The following ANXA4 variants were observed in gnomAD, a reference collection of about 807,000 sequenced individuals.
ANXA4 encodes the protein 35-beta calcimedin.
A neutral mutation model predicts 49.8 loss-of-function variants in ANXA4; 39 were observed. The ratio of observed to expected loss-of-function variants is 0.78; its 90% CI spans 0.61 to 1.02. The LOEUF (loss-of-function observed/expected upper bound fraction) is 1.02, where lower values mean the gene tolerates loss of function less well. ANXA4 is among the 50% of genes least tolerant of loss of function. ANXA4 has a pLI of 0.00. For missense variants in ANXA4, 360 were observed against 410.1 expected, an observed-to-expected ratio of 0.88 and a Z score of 1.05; for synonymous variants, 134 against 152.5, an observed-to-expected ratio of 0.88 and a Z score of 0.89.
chr2:69,686,153 T>C lies in ANXA4; in HGVS notation n.766+32871T>C, dbSNP rs577923295. 2.0e-5 allele frequency among the ~76,000 whole-genome samples: 3 copies of C among 152,234 alleles called. No individual in the cohort carries two copies. In the South Asian group the frequency reaches 6.2e-4, roughly 32 times the overall value. The stretch of plus-strand genomic sequence containing the variant: ...TTAACTTTAATTTTTAAAATTATTA[T>C]TATTATTTTCGAGACAGGGTCTTGT... On this transcript the variant is annotated intron_variant and non_coding_transcript_variant, in intron 2 of 3. Transcript: ENST00000418066.
intron 1 of ANXA4, among the ~76,000 whole-genome samples, chr2:69,649,038 C>T (rs1207215041): frequency 6.6e-6 from 1 of 151,870 alleles, no homozygotes; most frequent in East Asian, 1.9e-4. Context: ...AGGCATGTGC[C>T]ACCACGCCTA....
chr2:69,746,516 A>C (rs1340765922), intron 1 of ANXA4, among the ~76,000 whole-genome samples: 1 of 152,122 alleles, frequency 6.6e-6, no homozygotes, highest in African/African-American at 2.4e-5. Context: ...GGAATTTAGG[A>C]TTTCTATCTA....
At chr2:69,739,266 G>A (rs1331140752), upstream of ANXA4, among the ~76,000 whole-genome samples, 3 of 152,104 alleles carry the variant, frequency 2.0e-5, no homozygotes, top group Non-Finnish European at 4.4e-5. Flanking sequence ...CCCTACTCCT[G>A]GTTTGGAAGT....
chr2:69,756,107 G>C (rs1017075245), intron 1 of ANXA4, among the ~76,000 whole-genome samples: 9 of 152,204 alleles, frequency 5.9e-5, no homozygotes, highest in Admixed American at 4.6e-4. Flanking sequence ...ACATCAGGGT[G>C]TCCTTTCCTT....
At chr2:69,715,198 T>TA (rs1553434039) in intron 2 of ANXA4, among the ~76,000 whole-genome samples, 2 of 152,124 alleles carry the variant, frequency 1.3e-5, no homozygotes, top group Non-Finnish European at 2.9e-5. Flanking sequence ...CATGGTTTGT[T>TA]TTTTATTTTA....
At chr2:69,732,424 T>C (rs1265123099) in intron 3 of ANXA4, among the ~76,000 whole-genome samples, 1 of 152,018 alleles carries the variant, frequency 6.6e-6, no homozygotes, top group Non-Finnish European at 1.5e-5. Context: ...AACTGGGCAA[T>C]ACCTCTTCCC....
At chr2:69,745,764 CAG>C (rs1445725773) in intron 1 of ANXA4, among the ~76,000 whole-genome samples, 50 of 152,228 alleles carry the variant, frequency 3.3e-4, no homozygotes, top group African/African-American at 1.2e-3. Context: ...CTCCTGACCT[CAG>C]ATGATCCGCT....
intron 1 of ANXA4, among the ~76,000 whole-genome samples, chr2:69,772,155 C>G (rs1242321162): frequency 6.6e-6 from 1 of 152,208 alleles, no homozygotes; most frequent in Admixed American, 6.5e-5. Flanking sequence ...GAATCACCCC[C>G]AAAATGGGAG....
intron 1 of ANXA4, among the ~76,000 whole-genome samples, chr2:69,650,666 C>G (rs1485870365): frequency 1.3e-5 from 2 of 152,166 alleles, no homozygotes; most frequent in African/African-American, 4.8e-5. Context: ...GTTGCCTAGT[C>G]TGATCTTGAA....
At chr2:69,818,468 CTAAT>C (rs1363584838) in intron 9 of ANXA4, 127 bp from the exon 10 acceptor site, 1 of 514,660 alleles carries the variant, frequency 1.9e-6, no homozygotes, top group Non-Finnish European at 3.4e-6. Flanking sequence ...GCCCACATTA[CTAAT>C]TAGTTTCCTC....
intron 1 of ANXA4, among the ~76,000 whole-genome samples, chr2:69,746,395 C>A (rs1670614690): frequency 6.6e-6 from 1 of 152,140 alleles, no homozygotes; most frequent in African/African-American, 2.4e-5. Flanking sequence ...ACCACATAGT[C>A]TTATAGTGCT....
chr2:69,740,087 G>T (rs1344684619), upstream of ANXA4, among the ~76,000 whole-genome samples: 4 of 152,238 alleles, frequency 2.6e-5, no homozygotes, highest in Non-Finnish European at 4.4e-5. Context: ...TGGGGGCAAT[G>T]AAGGGGCAGT....
chr2:69,663,293 C>CT (rs55970370), intron 2 of ANXA4, among the ~76,000 whole-genome samples: 2,610 of 42,688 alleles, frequency 0.061, 664 homozygotes, highest in Middle Eastern at 0.088. Flanking sequence ...TGCACCCGGC[C>CT]TTTTTTTTTT....
Position 69,825,598 on chromosome 2 carries a change from T to G in ANXA4, c.*83T>G. 1 of 1,035,084 alleles carries G rather than the reference T, an allele frequency of 9.7e-7. No individual in the cohort carries two copies. Among genetic ancestry groups the G allele is most frequent in the African/African-American group, 1.6e-5 (1 of 61,412 alleles). 64.1% of individuals were successfully genotyped at this position (1,035,084 alleles called of 1,614,324 possible). ...TTTTTCTACACTGCTATTATCATTATCTCAGAATGCTTATTTCCAATTAAA... is the reference window on the plus strand; with the variant it reads ...TTTTTCTACACTGCTATTATCATTAGCTCAGAATGCTTATTTCCAATTAAA... On this transcript the variant is annotated 3_prime_UTR_variant, in exon 13 of 13. Transcript: ENST00000394295.
chr2:69,649,208 C>T (rs1486868232), intron 1 of ANXA4, among the ~76,000 whole-genome samples: 2 of 151,968 alleles, frequency 1.3e-5, no homozygotes, highest in Non-Finnish European at 2.9e-5. Context: ...TTAAACTGAG[C>T]CTTGTCTTCT....
intron 1 of ANXA4, among the ~76,000 whole-genome samples, chr2:69,754,153 G>A (rs1670958605): frequency 6.6e-6 from 1 of 152,154 alleles, no homozygotes; most frequent in Admixed American, 6.5e-5. Context: ...AATAATCTTT[G>A]GCAAACACAG....
intron 2 of ANXA4, chr2:69,713,520 A>G (rs1678749915): frequency 6.6e-6 from 1 of 152,178 alleles, no homozygotes; most frequent in Admixed American, 6.5e-5. Flanking sequence ...AAGTATGTAA[A>G]TTGTACACCT....
At chr2:69,760,322 T>TA (rs1671229960) in intron 1 of ANXA4, among the ~76,000 whole-genome samples, 1 of 152,240 alleles carries the variant, frequency 6.6e-6, no homozygotes, top group South Asian at 2.1e-4. Flanking sequence ...ACATATGGTT[T>TA]AAAAATCTAA....
chr2:69,785,736 T>C (rs1413104635), intron 2 of ANXA4, among the ~76,000 whole-genome samples: 4 of 152,170 alleles, frequency 2.6e-5, no homozygotes, highest in African/African-American at 4.8e-5. Flanking sequence ...AAAGATAAGA[T>C]TCATACCCCA....
Sources: gnomAD v4.1 joint callset for allele counts (sites outside exome capture counted in the v4.1 genomes callset) on GRCh38, gnomAD v4.1.1 for gene constraint, MANE v1.5 for transcripts, NCBI Gene and HGNC (gene_info 2026-07-23, HGNC 2026-07-21) for gene names.